SMC5: variants seen among roughly 807,000 people sequenced by gnomAD.
SMC5 encodes structural maintenance of chromosomes protein 5.
SMC5 carries 88 observed loss-of-function variants against 148.3 expected under a neutral mutation model. The ratio of observed to expected loss-of-function variants is 0.59; its 90% CI spans 0.50 to 0.71. The LOEUF is 0.71. Among genes scored for constraint, SMC5 ranks in the 30% least tolerant of loss-of-function variants. The probability of loss-of-function intolerance (pLI) is 0.00; values close to 1 mark genes in which losing one functional copy is unlikely to be tolerated. For missense variants in SMC5, 1,142 were observed against 1,298.9 expected (o/e 0.88, Z 1.86); for synonymous variants, 421 against 432.8 (o/e 0.97, Z 0.34).
chr9:70,323,753 T>G, intron 16 of SMC5, 147 bp downstream of exon 16: 1 of 967,328 alleles, frequency 1.0e-6, no homozygotes, highest in South Asian at 1.8e-5. Flanking sequence ...CAGTTTCAGC[T>G]TGCTTAGTTG....
chr9:70,349,116 G>A (rs1431354206), intron 22 of SMC5, among the ~76,000 whole-genome samples: 1 of 152,162 alleles, frequency 6.6e-6, no homozygotes, highest in Admixed American at 6.5e-5. Flanking sequence ...ACCCAGGCTG[G>A]AGCGCAGTGG....
chr9:70,351,110 T>C (rs2036793193), intron 24 of SMC5, among the ~76,000 whole-genome samples: 1 of 152,154 alleles, frequency 6.6e-6, no homozygotes, highest in Non-Finnish European at 1.5e-5. Context: ...CCACTACTTT[T>C]TGAGGCCAAG....
At chr9:70,324,740 A>G (rs909163992) in intron 17 of SMC5, among the ~76,000 whole-genome samples, 1 of 152,180 alleles carries the variant, frequency 6.6e-6, no homozygotes, top group Admixed American at 6.5e-5. Flanking sequence ...TGCAAATTCA[A>G]GAGTTCCTAT....
At chr9:70,273,471 T>A (rs1342610868) in intron 3 of SMC5, among the ~76,000 whole-genome samples, 2 of 152,040 alleles carry the variant, frequency 1.3e-5, no homozygotes, top group African/African-American at 4.8e-5. Context: ...AACTTTTGCA[T>A]TTGTCGTATA....
At position 70,344,451 on chromosome 9, in the gene SMC5, G is replaced by A. The variant is rs2036611951; in HGVS notation, c.2523+182G>A. On this transcript the variant is annotated intron_variant, in intron 18 of 24. Coordinates refer to ENST00000361138, the MANE Select transcript of SMC5 (RefSeq NM_015110.4). ...AATAATGTTGCTTAAGAGATCAATG[G>A]TATTGGTACTATAACATTTATTCTT... 1.2e-5 allele frequency: 3 copies of A among 254,790 alleles called. No individual in the cohort carries two copies. In the South Asian group the frequency reaches 5.0e-4, roughly 43 times the overall value. The allele number at this position is 254,790 out of a possible 1,614,324, so 15.8% of individuals were successfully genotyped here. A position where few individuals can be genotyped will look rare whatever the true frequency, so the allele number is the denominator to read the frequency against.
chr9:70,266,109 A>T (rs1026306255), intron 2 of SMC5, among the ~76,000 whole-genome samples: 5 of 152,200 alleles, frequency 3.3e-5, no homozygotes, highest in Non-Finnish European at 5.9e-5. Flanking sequence ...TAAAGCAAGT[A>T]TCAAAAAATT....
At chr9:70,337,231 A>G (rs546028746) in intron 17 of SMC5, among the ~76,000 whole-genome samples, 1 of 152,338 alleles carries the variant, frequency 6.6e-6, no homozygotes, top group South Asian at 2.1e-4. Context: ...AGTATTAATG[A>G]GAACTTAAGA....
In SMC5 at chr9:70,347,914, T is replaced by A. The variant is rs1035834355; in HGVS notation, c.2770-5T>A. On this transcript the variant is annotated splice_polypyrimidine_tract_variant and splice_region_variant and intron_variant, in intron 21 of 24. Coordinates refer to ENST00000361138, the MANE Select transcript of SMC5 (RefSeq NM_015110.4). The stretch of plus-strand genomic sequence containing the variant: ...ATTGTGTTTTTATATTGCCTTTATT[T>A]GTAGGTAAAAGAAAGGTGGCTTAAT... 8.9e-6 allele frequency: 14 copies of A among 1,572,924 alleles called. No homozygotes were observed. Among genetic ancestry groups the A allele is most frequent in the Non-Finnish European group, 1.2e-5 (14 of 1,161,482 alleles).
Position 70,344,143 on chromosome 9 carries a change from G to A in SMC5, c.2398-1G>A. ...ATTTTCAAAATAAATTTTTTTAATA[G>A]CAACATTTCATTGAATTGGATGAAA... On this transcript the variant is annotated splice_acceptor_variant, in intron 17 of 24. Coordinates refer to ENST00000361138, the MANE Select transcript of SMC5 (RefSeq NM_015110.4). LOFTEE classifies it high-confidence loss of function. The A allele has an allele frequency of 6.7e-7, 1 of 1,498,746 alleles. No homozygotes were observed. Among genetic ancestry groups the A allele is most frequent in the Non-Finnish European group, 8.9e-7 (1 of 1,121,780 alleles). The allele number at this position is 1,498,746 out of a possible 1,614,324, so 92.8% of individuals were successfully genotyped here. A position where few individuals can be genotyped will look rare whatever the true frequency, so the allele number is the denominator to read the frequency against.
rs138442324 is a variant in SMC5 at position 70,313,796 on chromosome 9, A to G, written c.1579-946A>G. 4.0e-3 allele frequency among the ~76,000 whole-genome samples: 608 copies of G among 152,252 alleles called. 3 individuals carry two copies. Among genetic ancestry groups the G allele is most frequent in the African/African-American group, 0.013 (554 of 41,556 alleles). On this transcript the variant is annotated intron_variant, in intron 11 of 24. Coordinates refer to ENST00000361138, the MANE Select transcript of SMC5 (RefSeq NM_015110.4). ...ATTACAGGTGTAAGCCACAGTGCCCAGCCAGTAATTTTTTTATTATATTCT... is the reference window on the plus strand; with the variant it reads ...ATTACAGGTGTAAGCCACAGTGCCCGGCCAGTAATTTTTTTATTATATTCT...
Position 70,278,701 on chromosome 9 carries a change from A to G in SMC5, c.678+76A>G, listed in dbSNP as rs73446779. ...CTCAGAACATGGGAGAGAGAGTAGTAGTATTGATTCATTGAGTGAATTCGT... is the reference window on the plus strand; with the variant it reads ...CTCAGAACATGGGAGAGAGAGTAGTGGTATTGATTCATTGAGTGAATTCGT... On this transcript the variant is annotated intron_variant, in intron 5 of 24. Coordinates refer to ENST00000361138, the MANE Select transcript of SMC5 (RefSeq NM_015110.4). The G allele has an allele frequency of 2.3e-3, 3,191 of 1,404,438 alleles. 61 individuals are homozygous for G. In the African/African-American group the frequency reaches 0.041, roughly 18 times the overall value. 87.0% of individuals were successfully genotyped at this position (1,404,438 alleles called of 1,614,324 possible). A position where few individuals can be genotyped will look rare whatever the true frequency, so the allele number is the denominator to read the frequency against.
At chr9:70,340,892 A>G (rs1395324140) in intron 17 of SMC5, among the ~76,000 whole-genome samples, 1 of 152,004 alleles carries the variant, frequency 6.6e-6, no homozygotes, top group East Asian at 1.9e-4. Flanking sequence ...ATACTTACAA[A>G]TTTTTTCTAG....
intron 10 of SMC5, among the ~76,000 whole-genome samples, chr9:70,302,855 G>A (rs534327152): frequency 4.4e-4 from 67 of 152,218 alleles, no homozygotes; most frequent in Non-Finnish European, 8.8e-4. Flanking sequence ...GGTGAAATCC[G>A]TCAAAGAATT....
rs1227425013 is a variant in SMC5, at chr9:70,318,599, T to C, written c.1892T>C (p.Ile631Thr). The change falls in exon 14 of 25, where the codon ATT (isoleucine) becomes ACT (threonine). Residue 631 changes from isoleucine (I) to threonine (T), a missense_variant. This residue lies in a region of SMC5 where 743 missense variants were observed against 835.7 expected (regional missense o/e 0.89). Transcript: ENST00000361138. ...ACTTCTTTTTATTCAAACAAAGTTA[T>C]TTCTAGTAACACATCTCTAAAAGTA... is the stretch of plus-strand genomic sequence containing the variant. Reference protein sequence around the residue: ...VKTSFYSNKVISSNTSLKVAQ... With the variant: ...VKTSFYSNKVTSSNTSLKVAQ... 6.2e-7 allele frequency: 1 copy of C among 1,613,008 alleles called. No homozygotes were observed. Among genetic ancestry groups the C allele is most frequent in the Non-Finnish European group, 8.5e-7 (1 of 1,179,380 alleles).
chr9:70,286,491 T>G (rs2034905827), intron 8 of SMC5, among the ~76,000 whole-genome samples: 1 of 152,144 alleles, frequency 6.6e-6, no homozygotes, highest in African/African-American at 2.4e-5. Flanking sequence ...CTTATGATAT[T>G]TGTAGCTGGG....
chr9:70,349,446 T>G (rs2036752058), intron 22 of SMC5, among the ~76,000 whole-genome samples: 2 of 152,188 alleles, frequency 1.3e-5, no homozygotes, highest in African/African-American at 4.8e-5. Flanking sequence ...ATAGTAAACC[T>G]TAGAGCATCC....
At position 70,318,675 on chromosome 9, in the gene SMC5, A is replaced by G; in HGVS notation, c.1968A>G (p.Glu656=). The G allele has an allele frequency of 1.9e-6, 3 of 1,599,840 alleles. No individual in the cohort carries two copies. The highest frequency in any genetic ancestry group is 2.3e-5 in the South Asian group (2 of 87,296). The change falls in exon 14 of 25, where the codon GAA becomes GAG. Residue 656 remains glutamate, a synonymous_variant. Coordinates refer to ENST00000361138, the MANE Select transcript of SMC5 (RefSeq NM_015110.4). ...ACCTAGAGCAGAGAAGACACTTAGAAGAACAGCTAAAGGTTGGTTAATTTG... is the reference window on the plus strand; with the variant it reads ...ACCTAGAGCAGAGAAGACACTTAGAGGAACAGCTAAAGGTTGGTTAATTTG... ...TVDLEQRRHL[E]EQLKEIHRKL...
chr9:70,339,378 G>A lies in SMC5; in HGVS notation c.2398-4766G>A, dbSNP rs1433579822. Among the ~76,000 whole-genome samples the A allele has an allele frequency of 6.0e-5, 9 of 149,646 alleles. 1 individual carries two copies. The highest frequency in any genetic ancestry group is 4.2e-4 in the South Asian group (2 of 4,746). On this transcript the variant is annotated intron_variant, in intron 17 of 24. Coordinates refer to ENST00000361138, the MANE Select transcript of SMC5 (RefSeq NM_015110.4). ...TGGGAGGCGGAGCTTGCAGTGAGCC[G>A]AGATCACACCACTGCACTCCAGCCT...
At chr9:70,307,892 G>A (rs1345677998) in intron 11 of SMC5, among the ~76,000 whole-genome samples, 1 of 152,122 alleles carries the variant, frequency 6.6e-6, no homozygotes, top group Non-Finnish European at 1.5e-5. Flanking sequence ...TTGATATGTT[G>A]CCATTGTATT....
Sources: allele counts gnomAD v4.1 joint callset (sites outside exome capture counted in the v4.1 genomes callset), GRCh38; gene constraint gnomAD v4.1.1; regional missense constraint gnomAD v4.1.1; transcripts MANE v1.5; gene names NCBI Gene and HGNC (gene_info 2026-07-23, HGNC 2026-07-21).